The following WFDC5 variants were observed in gnomAD, a reference collection of about 807,000 sequenced individuals.
The protein encoded by WFDC5 is WAP four-disulfide core domain protein 5.
A neutral mutation model predicts 15.7 loss-of-function variants in WFDC5; 15 were observed. The ratio of observed to expected loss-of-function variants is 0.96; its 90% confidence interval spans 0.64 to 1.47. The LOEUF (loss-of-function observed/expected upper bound fraction) is 1.47. Among genes scored for constraint, WFDC5 ranks in the 40% most tolerant of loss-of-function variants. The pLI, the probability that WFDC5 is intolerant of heterozygous loss-of-function variation, is 0.00. For missense variants in WFDC5, 280 were observed against 258.0 expected, an observed-to-expected ratio of 1.09 and a Z score of -0.59; for synonymous variants, 109 against 107.7, an observed-to-expected ratio of 1.01 and a Z score of -0.07.
chr20:45,109,930 C>A (rs1466434963), exon 4 of WFDC5: 1 of 1,597,106 alleles, frequency 6.3e-7, no homozygotes, highest in Non-Finnish European at 8.6e-7. Flanking sequence ...GTCCAGCGGG[C>A]AGGGCCCCAG....
intron 1 of WFDC5, among the ~76,000 whole-genome samples, chr20:45,114,790 G>A (rs1234407357): frequency 6.6e-6 from 1 of 150,652 alleles, no homozygotes; most frequent in Non-Finnish European, 1.5e-5. Context: ...AACACAGGCA[G>A]GTGGACAGGC....
upstream of WFDC5, among the ~76,000 whole-genome samples, chr20:45,115,795 C>T (rs1314486794): frequency 2.0e-5 from 3 of 152,174 alleles, no homozygotes; most frequent in African/African-American, 7.2e-5. Context: ...ACTGGAACCT[C>T]TTCTCTGGCC....
upstream of WFDC5, among the ~76,000 whole-genome samples, chr20:45,116,088 A>C (rs1341230670): frequency 1.3e-5 from 2 of 152,202 alleles, no homozygotes; most frequent in African/African-American, 2.4e-5. Context: ...CATCACCCTC[A>C]TTCAGTTCCT....
rs1302640687 is a variant in WFDC5, at chr20:45,112,711, G to C, written c.86-1936C>G. 2.0e-5 allele frequency among the ~76,000 whole-genome samples: 3 copies of C among 152,304 alleles called. No homozygotes were observed. The South Asian group carries it at 6.2e-4, about 32-fold the overall frequency. On this transcript the variant is annotated intron_variant, in intron 1 of 3. Coordinates refer to ENST00000307971, the Ensembl canonical transcript of WFDC5. ...ATAGTCAAATACACAAGCACATTTA[G>C]ATCTAGACACACAATTAGCTACAGG...
chr20:45,115,189 G>T, upstream of WFDC5: 1 of 1,056,444 alleles, frequency 9.5e-7, no homozygotes, highest in Non-Finnish European at 1.4e-6. Context: ...GGTGTGGAGT[G>T]ACACCGTGCC....
intron 1 of WFDC5, 30 bp downstream of exon 1, chr20:45,114,969 C>A (rs372440031): frequency 1.1e-4 from 174 of 1,604,580 alleles, no homozygotes; most frequent in Non-Finnish European, 1.4e-4. Context: ...ACAATCTGGT[C>A]CCCCCAGCAG....
At chr20:45,109,730 C>T (rs368455958) in exon 4 of WFDC5, 4 of 717,436 alleles carry the variant, frequency 5.6e-6, no homozygotes, top group African/African-American at 1.7e-5. Flanking sequence ...GGTGTGAAAG[C>T]GTTAGGAAGG....
intron 1 of WFDC5, among the ~76,000 whole-genome samples, chr20:45,114,756 G>A (rs1981711208): frequency 6.6e-6 from 1 of 151,444 alleles, no homozygotes; most frequent in African/African-American, 2.4e-5. Context: ...CGAGAAACTG[G>A]CAGAAAAGAC....
intron 1 of WFDC5, among the ~76,000 whole-genome samples, chr20:45,113,171 G>C (rs1400004211): frequency 6.6e-6 from 1 of 152,202 alleles, no homozygotes; most frequent in Admixed American, 6.5e-5. Context: ...ACTATGCCAG[G>C]CTCTTTGTAT....
Position 45,110,359 on chromosome 20 carries a change from G to A in WFDC5, c.393+15C>T, listed in dbSNP as rs79263914. ...TGAAGAAAGTATTAGAGCTGGGCTC[G>A]GAGAGGGGAGGCACCTGCCCTGGGC... On this transcript the variant is annotated intron_variant, in intron 3 of 3. Coordinates refer to ENST00000307971, the Ensembl canonical transcript of WFDC5. The A allele has an allele frequency of 4.3e-3, 6,732 of 1,564,486 alleles. 22 individuals are homozygous for A. The highest frequency in any genetic ancestry group is 5.1e-3 in the Non-Finnish European group (5,882 of 1,156,362).
chr20:45,110,508 G>C, exon 3 of WFDC5: 2 of 1,614,196 alleles, frequency 1.2e-6, no homozygotes, highest in Non-Finnish European at 8.5e-7. Flanking sequence ...CTGAGGCAGC[G>C]CAGTTGGTCC....
chr20:45,110,903 TTTTGTTTG>T, intron 1 of WFDC5, 128 bp from the exon 2 acceptor site: 1 of 1,304,672 alleles, frequency 7.7e-7, no homozygotes, highest in African/African-American at 1.5e-5. Flanking sequence ...TAGTTGTTAT[TTTTGTTTG>T]TTTGTTTGTT....
At chr20:45,112,108 C>G (rs142989951) in intron 1 of WFDC5, among the ~76,000 whole-genome samples, 140 of 152,204 alleles carry the variant, frequency 9.2e-4, no homozygotes, top group African/African-American at 3.3e-3. Flanking sequence ...AAATTGCTGC[C>G]CCCTGCTGGA....
chr20:45,115,292 C>T, upstream of WFDC5: 1 of 545,310 alleles, frequency 1.8e-6, no homozygotes, highest in Non-Finnish European at 3.3e-6. Flanking sequence ...GCACATCCTG[C>T]ATGTGGGGGA....
exon 4 of WFDC5, chr20:45,109,617 A>G (rs1019674943): frequency 1.4e-5 from 9 of 627,832 alleles, no homozygotes; most frequent in Admixed American, 1.1e-4. Flanking sequence ...TGTTTGGAAA[A>G]CTCTGCAAGA....
chr20:45,111,104 G>A (rs1327840549), intron 1 of WFDC5, among the ~76,000 whole-genome samples: 1 of 152,188 alleles, frequency 6.6e-6, no homozygotes, highest in Non-Finnish European at 1.5e-5. Context: ...CTCCCACTCA[G>A]TGCCTCCTGA....
intron 1 of WFDC5, among the ~76,000 whole-genome samples, chr20:45,114,389 G>A (rs1338106216): frequency 6.6e-6 from 1 of 152,122 alleles, no homozygotes; most frequent in East Asian, 1.9e-4. Context: ...GGGACAGGAG[G>A]TTGGGGGCGA....
At chr20:45,111,898 CT>C (rs1291046503) in intron 1 of WFDC5, among the ~76,000 whole-genome samples, 2 of 152,116 alleles carry the variant, frequency 1.3e-5, no homozygotes, top group African/African-American at 4.8e-5. Flanking sequence ...GGTCCCAGGT[CT>C]TCAATTCAAT....
intron 1 of WFDC5, among the ~76,000 whole-genome samples, chr20:45,113,016 A>G (rs747636776): frequency 1.3e-5 from 2 of 152,242 alleles, no homozygotes; most frequent in African/African-American, 2.4e-5. Context: ...AATATATAGC[A>G]TATGTATGTG....
Sources: gnomAD v4.1 joint callset for allele counts (sites outside exome capture counted in the v4.1 genomes callset) on GRCh38, gnomAD v4.1.1 for gene constraint, MANE v1.5 for transcripts, NCBI Gene and HGNC (gene_info 2026-07-23, HGNC 2026-07-21) for gene names.